Variants in DKC1 observed in about 807,000 individuals in gnomAD.
DKC1 encodes H/ACA ribonucleoprotein complex subunit DKC1.
A neutral mutation model predicts 46.7 loss-of-function variants in DKC1; 4 were observed. The observed-to-expected ratio is 0.09, with a 90% CI of 0.04 to 0.20. The LOEUF (loss-of-function observed/expected upper bound fraction) is 0.20, where lower values mean the gene tolerates loss of function less well. Among genes scored for constraint, DKC1 ranks in the 10% least tolerant of loss-of-function variants. The probability of loss-of-function intolerance (pLI) is 1.00; values close to 1 mark genes in which losing one functional copy is unlikely to be tolerated. For missense variants in DKC1, 171 were observed against 404.2 expected (o/e 0.42, Z 4.95); for synonymous variants, 141 against 142.4 (o/e 0.99, Z 0.07).
At chrX:154,775,685 G>A (rs1232701991) in intron 13 of DKC1, among the ~76,000 whole-genome samples, 1 of 112,287 alleles carries the variant, frequency 8.9e-6, no homozygotes, top group African/African-American at 3.2e-5. Flanking sequence ...GCAGAGAGCA[G>A]AATTGCATCT....
In DKC1 at chrX:154,769,267, A is replaced by G. The variant is rs1373136124; in HGVS notation, c.872A>G (p.Lys291Arg). The change falls in exon 9 of 15, where the codon AAG becomes AGG. Residue 291 changes from lysine (K) to arginine (R), a missense_variant. Physicochemically the swap from Lys to Arg is conservative, Grantham distance 26 (BLOSUM62 2). Coordinates refer to ENST00000369550, the MANE Select transcript of DKC1 (RefSeq NM_001363.5). ...YLRRVVYPLE[K>R]LLTSHKRLVM... ...CGGCGAGTTGTTTACCCTTTGGAAA[A>G]GCTGTTGACATCTCATAAACGGCTG... 8.3e-7 allele frequency: 1 copy of G among 1,211,891 alleles called. No homozygotes were observed. The highest frequency in any genetic ancestry group is 1.1e-6 in the Non-Finnish European group (1 of 895,497).
chrX:154,768,125 C>T, intron 7 of DKC1, 177 bp from the exon 8 acceptor site: 3 of 554,711 alleles, frequency 5.4e-6, no homozygotes, highest in Non-Finnish European at 9.0e-6. Flanking sequence ...GCTGGAATTA[C>T]AGGCGTGAGC....
At chrX:154,770,467 T>TTAAAA (rs782272867) in intron 9 of DKC1, among the ~76,000 whole-genome samples, 1 of 67,791 alleles carries the variant, frequency 1.5e-5, no homozygotes, top group African/African-American at 5.8e-5. Context: ...GCCTGAAAAT[T>TTAAAA]AAAAAAAAAA....
chrX:154,763,565 C>T (rs946419654), intron 1 of DKC1, among the ~76,000 whole-genome samples: 10 of 112,175 alleles, frequency 8.9e-5, no homozygotes, highest in African/African-American at 3.2e-4. Context: ...CGTGCAGTAG[C>T]CTACAGTCAG....
intron 7 of DKC1, among the ~76,000 whole-genome samples, chrX:154,767,747 G>C (rs1041379643): frequency 9.1e-6 from 1 of 109,857 alleles, no homozygotes; most frequent in African/African-American, 3.3e-5. Context: ...GTAAATTTAA[G>C]ACAATGCCAA....
chrX:154,774,273 G>A (rs111541403), intron 11 of DKC1, among the ~76,000 whole-genome samples: 55 of 111,781 alleles, frequency 4.9e-4, no homozygotes, highest in Non-Finnish European at 9.2e-4. Context: ...AAGCCACACC[G>A]GTGTGAAGAG....
chrX:154,773,834 G>T (rs2071857568), intron 11 of DKC1, among the ~76,000 whole-genome samples: 1 of 111,798 alleles, frequency 8.9e-6, no homozygotes, highest in Non-Finnish European at 1.9e-5. Flanking sequence ...CCCAGACGGG[G>T]TGGCGGCCGG....
rs201132793 is a variant in DKC1 at position 154,773,055 on chromosome X, A to G, written c.1037-76A>G. On this transcript the variant is annotated intron_variant, in intron 10 of 14. Coordinates refer to ENST00000369550, the MANE Select transcript of DKC1 (RefSeq NM_001363.5). ...TTTAAAAGTTTTAAAGTGGCATACA[A>G]CAGTAGAATTGGGGCTCATCAATTA... 9.5e-4 allele frequency: 688 copies of G among 721,519 alleles called. 1 individual carries two copies. Among genetic ancestry groups the G allele is most frequent in the Non-Finnish European group, 1.3e-3 (610 of 458,291 alleles). The allele number at this position is 721,519 out of a possible 1,213,427, so 59.5% of individuals were successfully genotyped here.
At chrX:154,774,839 C>CAACAGGTGAGG (rs2071875968) in intron 12 of DKC1, 134 bp downstream of exon 12, 10 of 608,636 alleles carry the variant, frequency 1.6e-5, no homozygotes, top group Non-Finnish European at 2.9e-5. Context: ...AGTACATGGA[C>CAACAGGTGAGG]AACAGGTGAG....
rs916128236 is a variant in DKC1 at position 154,777,063 on chromosome X, G to A, written c.*196G>A. On this transcript the variant is annotated 3_prime_UTR_variant, in exon 15 of 15. Coordinates refer to ENST00000369550, the MANE Select transcript of DKC1 (RefSeq NM_001363.5). ...ATCTTGTCCTGTTTTAAGGATATGGGTGGTGAAAGATGAAAGAGGCAGAGT... is the reference window on the plus strand; with the variant it reads ...ATCTTGTCCTGTTTTAAGGATATGGATGGTGAAAGATGAAAGAGGCAGAGT... 5.5e-6 allele frequency: 2 copies of A among 363,292 alleles called. No individual in the cohort carries two copies. The highest frequency in any genetic ancestry group is 2.6e-5 in the African/African-American group (1 of 38,529). 29.9% of individuals were successfully genotyped at this position (363,292 alleles called of 1,213,427 possible).
intron 1 of DKC1, among the ~76,000 whole-genome samples, chrX:154,763,363 C>T (rs1408772707): frequency 8.9e-6 from 1 of 112,216 alleles, no homozygotes; most frequent in African/African-American, 3.2e-5. Flanking sequence ...GGAAACGGGC[C>T]GAGAAGAAAA....
In DKC1 at chrX:154,777,081, G is replaced by A. The variant is rs782166133; in HGVS notation, c.*214G>A. ...GATATGGGTGGTGAAAGATGAAAGA[G>A]GCAGAGTTTATCCCAATGACTTCTC... On this transcript the variant is annotated 3_prime_UTR_variant, in exon 15 of 15. Coordinates refer to ENST00000369550, the MANE Select transcript of DKC1 (RefSeq NM_001363.5). 103 of 345,279 alleles carry A rather than the reference G, an allele frequency of 3.0e-4. 1 individual carries two copies. In the Middle Eastern group the frequency reaches 0.018, roughly 60 times the overall value. 28.5% of individuals were successfully genotyped at this position (345,279 alleles called of 1,213,427 possible). A position where few individuals can be genotyped will look rare whatever the true frequency, so the allele number is the denominator to read the frequency against.
chrX:154,765,277 C>T (rs2071730949), intron 2 of DKC1, 167 bp from the exon 3 acceptor site: 2 of 553,210 alleles, frequency 3.6e-6, no homozygotes, highest in Admixed American at 2.4e-5. Context: ...TTCACTTCCC[C>T]TCTGTACTCC....
chrX:154,766,474 T>C, intron 5 of DKC1, 74 bp downstream of exon 5: 2 of 974,687 alleles, frequency 2.1e-6, no homozygotes, highest in Non-Finnish European at 2.9e-6. Context: ...TTTTGTCTGC[T>C]GGAAACTATT....
At chrX:154,774,909 A>G in intron 12 of DKC1, 1 of 570,321 alleles carries the variant, frequency 1.8e-6, no homozygotes, top group Non-Finnish European at 3.2e-6. Flanking sequence ...GGTTTGGGGC[A>G]AACTTGCTAA....
intron 11 of DKC1, among the ~76,000 whole-genome samples, chrX:154,774,350 T>C (rs1557265375): frequency 9.0e-6 from 1 of 111,326 alleles, no homozygotes; most frequent in African/African-American, 3.3e-5. Flanking sequence ...AAGCAGCATG[T>C]GCAAAGGCAA....
chrX:154,771,187 GTTTTTTTTTTT>G (rs35962335), intron 10 of DKC1, among the ~76,000 whole-genome samples: 27 of 64,479 alleles, frequency 4.2e-4, no homozygotes, highest in Non-Finnish European at 6.2e-4. Context: ...TGGTGGTGGT[GTTTTTTTTTTT>G]TTTTTTTTTT....
At chrX:154,763,275 G>A (rs1557263788) in intron 1 of DKC1, among the ~76,000 whole-genome samples, 2 of 112,608 alleles carry the variant, frequency 1.8e-5, no homozygotes, top group African/African-American at 6.5e-5. Context: ...CGGTGGCGTG[G>A]GACGTGGCAG....
chrX:154,776,831 G>A lies in DKC1; in HGVS notation c.1509G>A (p.Lys503=), dbSNP rs782703327. ...DSDTTKKKKK[K]KKAKEVELVS... ...ATACCACCAAGAAGAAGAAGAAGAA[G>A]AAGAAAGCAAAAGAGGTAGAATTGG... The change falls in exon 15 of 15, where the codon AAG becomes AAA. Residue 503 remains lysine, a synonymous_variant. Coordinates refer to ENST00000369550, the MANE Select transcript of DKC1 (RefSeq NM_001363.5). The A allele has an allele frequency of 9.1e-6, 11 of 1,206,725 alleles. No individual in the cohort carries two copies. Among genetic ancestry groups the A allele is most frequent in the Admixed American group, 4.4e-5 (2 of 45,621 alleles).
Sources: allele counts gnomAD v4.1 joint callset (sites outside exome capture counted in the v4.1 genomes callset), GRCh38; gene constraint gnomAD v4.1.1; transcripts MANE v1.5; gene names NCBI Gene and HGNC (gene_info 2026-07-23, HGNC 2026-07-21).